ADGRL2: variants seen among roughly 807,000 people sequenced by gnomAD.
The protein encoded by ADGRL2 is calcium-independent alpha-latrotoxin receptor 2.
A neutral mutation model predicts 157.4 loss-of-function variants in ADGRL2; 44 were observed. That is an observed-to-expected ratio of 0.28 (90% CI 0.22 to 0.36). ADGRL2 has a LOEUF of 0.36. ADGRL2 is among the 10% of genes least tolerant of loss of function. The pLI is 1.00. For synonymous variants in ADGRL2, 585 were observed against 624.7 expected (o/e 0.94, Z 0.95); for missense variants, 1,510 against 1,768.9 (o/e 0.85, Z 2.63).
At chr1:81,569,516 T>C (rs905977676) in intron 2 of ADGRL2, among the ~76,000 whole-genome samples, 14 of 152,180 alleles carry the variant, frequency 9.2e-5, no homozygotes, top group African/African-American at 3.4e-4. Flanking sequence ...CGTCAAGATG[T>C]CAGCATGTAG....
intron 1 of ADGRL2, among the ~76,000 whole-genome samples, chr1:81,416,539 T>C (rs374585865): frequency 1.4e-4 from 22 of 152,332 alleles, no homozygotes; most frequent in African/African-American, 5.3e-4. Flanking sequence ...AAATAATCAG[T>C]TTCCTTTGAA....
At chr1:81,550,892 GA>G (rs1385411295) in intron 2 of ADGRL2, among the ~76,000 whole-genome samples, 1 of 152,094 alleles carries the variant, frequency 6.6e-6, no homozygotes, top group African/African-American at 2.4e-5. Flanking sequence ...AAAGCTCCAG[GA>G]AGGGAATCTA....
At chr1:81,383,962 A>T (rs1485502132) in intron 1 of ADGRL2, among the ~76,000 whole-genome samples, 1 of 151,292 alleles carries the variant, frequency 6.6e-6, no homozygotes, top group Non-Finnish European at 1.5e-5. Context: ...TCAAAAAAAA[A>T]AAAAAGAAAA....
At chr1:81,859,972 T>G (rs538808974) in intron 2 of ADGRL2, among the ~76,000 whole-genome samples, 1 of 152,106 alleles carries the variant, frequency 6.6e-6, no homozygotes, top group East Asian at 1.9e-4. Flanking sequence ...ACACCTGGAA[T>G]TCCAGCATTT....
chr1:81,540,060 G>T (rs933497615), intron 2 of ADGRL2, among the ~76,000 whole-genome samples: 1 of 152,126 alleles, frequency 6.6e-6, no homozygotes, highest in Non-Finnish European at 1.5e-5. Flanking sequence ...CTAGCTTGGA[G>T]ATCTCAGGCA....
Position 81,966,421 on chromosome 1 carries a change from T to G in ADGRL2, c.2161T>G (p.Phe721Val), listed in dbSNP as rs1657060059. 1 of 1,614,114 alleles carries G rather than the reference T, an allele frequency of 6.2e-7. No homozygotes were observed. The highest frequency in any genetic ancestry group is 1.7e-5 in the Admixed American group (1 of 60,024). ...CTTCCTAGGGCTTGCAAAGTTGGTG[T>G]TCATCATTTACCGGAGCCTGGGACA... ...NSRNGLAKLVFIIYRSLGQFL... is the reference protein window; with the variant it reads ...NSRNGLAKLVVIIYRSLGQFL... The change falls in exon 13 of 24, where the codon TTC (phenylalanine) becomes GTC (valine). Residue 721 changes from phenylalanine (F) to valine (V), a missense_variant. Physicochemically the swap from Phe to Val is conservative, Grantham distance 50. Coordinates refer to ENST00000686636, the MANE Select transcript of ADGRL2 (RefSeq NM_001366006.2).
At chr1:81,405,800 C>T (rs983770454) in intron 1 of ADGRL2, among the ~76,000 whole-genome samples, 1 of 151,944 alleles carries the variant, frequency 6.6e-6, no homozygotes, top group Non-Finnish European at 1.5e-5. Flanking sequence ...AGTCATTATG[C>T]AATCATAAAT....
chr1:81,455,455 T>A (rs771870716), intron 2 of ADGRL2, among the ~76,000 whole-genome samples: 2 of 152,156 alleles, frequency 1.3e-5, no homozygotes, highest in Non-Finnish European at 2.9e-5. Flanking sequence ...AAAATTTTCC[T>A]TCTCATAAGA....
At position 81,775,406 on chromosome 1, in the gene ADGRL2, T is replaced by C. The variant is rs760964588; in HGVS notation, c.-101+13554T>C. Among the ~76,000 whole-genome samples, 16 of 152,144 alleles carry C rather than the reference T, an allele frequency of 1.1e-4. No homozygotes were observed. In the East Asian group the frequency reaches 3.1e-3, roughly 29 times the overall value. ...TGTACTTGAAATCAAAGGCAGATCT[T>C]CTGACTATACTTAGACAACAAAAAG... is the stretch of plus-strand genomic sequence containing the variant. On this transcript the variant is annotated intron_variant, in intron 2 of 20. Coordinates refer to the ADGRL2 transcript ENST00000359929.
chr1:81,429,872 G>C (rs1243261285), intron 1 of ADGRL2, among the ~76,000 whole-genome samples: 2 of 152,012 alleles, frequency 1.3e-5, no homozygotes, highest in East Asian at 3.9e-4. Flanking sequence ...GTTGTTTTTT[G>C]TTTTTGTTTT....
intron 3 of ADGRL2, among the ~76,000 whole-genome samples, chr1:81,648,684 C>T (rs1261661945): frequency 1.3e-5 from 2 of 152,142 alleles, no homozygotes; most frequent in African/African-American, 4.8e-5. Flanking sequence ...TAGCTTTGCA[C>T]AGCTCTTAGC....
chr1:81,429,413 GGGA>G (rs879515560), intron 1 of ADGRL2, among the ~76,000 whole-genome samples: 1 of 152,182 alleles, frequency 6.6e-6, no homozygotes. Flanking sequence ...ATTTGAGCGA[GGGA>G]GGAGGAGGGT....
At chr1:81,349,631 TACACACACAC>T (rs36213279) in intron 1 of ADGRL2, among the ~76,000 whole-genome samples, 264 of 142,474 alleles carry the variant, frequency 1.9e-3, no homozygotes, top group Middle Eastern at 3.6e-3. Flanking sequence ...TGTTGTGAGC[TACACACACAC>T]ACACACACAC....
At chr1:81,421,086 GA>G (rs1376702288) in intron 1 of ADGRL2, among the ~76,000 whole-genome samples, 1 of 152,114 alleles carries the variant, frequency 6.6e-6, no homozygotes, top group African/African-American at 2.4e-5. Context: ...TTCCACAGTG[GA>G]ACTAAAGCTC....
chr1:81,885,536 G>T (rs959718057), intron 2 of ADGRL2, among the ~76,000 whole-genome samples: 3 of 152,128 alleles, frequency 2.0e-5, no homozygotes, highest in African/African-American at 7.2e-5. Context: ...AAAAGGAAAG[G>T]CCTTTAATTC....
At chr1:81,345,554 C>T (rs1298171292) in intron 1 of ADGRL2, among the ~76,000 whole-genome samples, 1 of 151,952 alleles carries the variant, frequency 6.6e-6, no homozygotes, top group Admixed American at 6.6e-5. Flanking sequence ...ATAAATTATC[C>T]ATTAATATTA....
At chr1:81,787,637 A>AAAGT (rs2087120146) in intron 2 of ADGRL2, among the ~76,000 whole-genome samples, 1 of 152,152 alleles carries the variant, frequency 6.6e-6, no homozygotes, top group Admixed American at 6.5e-5. Context: ...CCTGGGTGAC[A>AAAGT]GAGCAAGACA....
At chr1:81,691,878 G>GTATATATATATATATATATATATA (rs755115574) in intron 3 of ADGRL2, among the ~76,000 whole-genome samples, 2,307 of 121,320 alleles carry the variant, frequency 0.019, 61 homozygotes, top group Admixed American at 0.027. Context: ...GTGTGTGTGT[G>GTATATATATATATATATATATATA]TGTATATATA....
upstream of ADGRL2, among the ~76,000 whole-genome samples, chr1:81,798,331 A>G (rs1200299483): frequency 3.3e-5 from 5 of 152,282 alleles, no homozygotes; most frequent in Admixed American, 1.3e-4. Context: ...ATAATTAAAC[A>G]CTATTTCAAT....
Sources: gnomAD v4.1 joint callset for allele counts (sites outside exome capture counted in the v4.1 genomes callset) on GRCh38, gnomAD v4.1.1 for gene constraint, MANE v1.5 for transcripts, NCBI Gene and HGNC (gene_info 2026-07-23, HGNC 2026-07-21) for gene names.